Variants in GPRASP3 observed in about 807,000 individuals in gnomAD.
GPRASP3 encodes G protein-coupled receptor associated sorting protein 3.
At chrX:102,741,141 G>A in the GPRASP3 span, among the ~76,000 whole-genome samples, 1 of 111,784 alleles carries the variant, frequency 8.9e-6, no homozygotes, top group South Asian at 3.8e-4. Flanking sequence ...AGGGGCATAA[G>A]GCAGAAAAAG....
chrX:102,744,123 A>C, the GPRASP3 span, among the ~76,000 whole-genome samples: 1 of 111,860 alleles, frequency 8.9e-6, no homozygotes. Context: ...AAGTTAGCTT[A>C]TAAGCCCAGG....
the GPRASP3 span, among the ~76,000 whole-genome samples, chrX:102,722,652 C>T: frequency 9.0e-5 from 10 of 111,168 alleles, no homozygotes; most frequent in Non-Finnish European, 1.3e-4. Context: ...CCAGTCATCT[C>T]GGAACATAAA....
At chrX:102,745,580 G>A in the GPRASP3 span, among the ~76,000 whole-genome samples, 3 of 111,137 alleles carry the variant, frequency 2.7e-5, no homozygotes, top group Non-Finnish European at 1.9e-5. Flanking sequence ...TCTCCCATTA[G>A]CTTCCAGGAA....
At chrX:102,723,569 G>A in the GPRASP3 span, among the ~76,000 whole-genome samples, 1 of 111,849 alleles carries the variant, frequency 8.9e-6, no homozygotes, top group Non-Finnish European at 1.9e-5. Flanking sequence ...CAACAGAGAA[G>A]ACTTCAAGTA....
the GPRASP3 span, chrX:102,749,425 G>C: frequency 2.0e-5 from 24 of 1,210,323 alleles, no homozygotes; most frequent in Non-Finnish European, 2.7e-5. Context: ...TGAAATTGGT[G>C]CCCAGGTCTG....
At chrX:102,731,782 G>T in the GPRASP3 span, among the ~76,000 whole-genome samples, 1 of 111,459 alleles carries the variant, frequency 9.0e-6, no homozygotes, top group Non-Finnish European at 1.9e-5. Flanking sequence ...CGTTAGTGTG[G>T]GCTGCCCGCA....
At chrX:102,750,806 G>A in the GPRASP3 span, 3 of 343,422 alleles carry the variant, frequency 8.7e-6, no homozygotes, top group Non-Finnish European at 1.5e-5. Flanking sequence ...ACCTTGGGCT[G>A]AAAATGTTTG....
the GPRASP3 span, among the ~76,000 whole-genome samples, chrX:102,741,385 A>G: frequency 2.7e-4 from 30 of 111,753 alleles, no homozygotes; most frequent in African/African-American, 9.8e-4. Flanking sequence ...GAGCATGCAC[A>G]GTGTATTTAG....
chrX:102,740,687 T>A, the GPRASP3 span, among the ~76,000 whole-genome samples: 1 of 110,713 alleles, frequency 9.0e-6, no homozygotes, highest in South Asian at 3.9e-4. Context: ...GGAAACTTAA[T>A]GAAATTCAGG....
At chrX:102,735,499 G>A in the GPRASP3 span, among the ~76,000 whole-genome samples, 6 of 108,245 alleles carry the variant, frequency 5.5e-5, no homozygotes, top group Non-Finnish European at 9.6e-5. Flanking sequence ...CCGCCTCCTG[G>A]GTTCAAGCAA....
chrX:102,727,549 C>T, the GPRASP3 span, among the ~76,000 whole-genome samples: 24 of 112,077 alleles, frequency 2.1e-4, 1 homozygote, highest in Admixed American at 9.4e-5. Context: ...AGGAGAAAGT[C>T]AGTAACCTGC....
At chrX:102,721,520 G>A in the GPRASP3 span, among the ~76,000 whole-genome samples, 2 of 111,428 alleles carry the variant, frequency 1.8e-5, no homozygotes, top group African/African-American at 6.5e-5. Flanking sequence ...CTAGGAAAAG[G>A]AGGAGGAGAC....
chrX:102,727,892 C>T, the GPRASP3 span, among the ~76,000 whole-genome samples: 1 of 111,807 alleles, frequency 8.9e-6, no homozygotes, highest in Non-Finnish European at 1.9e-5. Context: ...GTTATAAAGA[C>T]GTTAAGTACC....
the GPRASP3 span, among the ~76,000 whole-genome samples, chrX:102,729,434 C>T: frequency 2.7e-5 from 3 of 112,161 alleles, no homozygotes; most frequent in African/African-American, 9.7e-5. Context: ...TTATAGAACA[C>T]TTCCTCTCCT....
the GPRASP3 span, chrX:102,751,335 G>T: frequency 8.1e-6 from 1 of 123,731 alleles, no homozygotes; most frequent in African/African-American, 3.2e-5. Flanking sequence ...GTCAAACACT[G>T]TGTTGGCACC....
At chrX:102,743,007 G>T in the GPRASP3 span, among the ~76,000 whole-genome samples, 1 of 111,346 alleles carries the variant, frequency 9.0e-6, no homozygotes, top group Non-Finnish European at 1.9e-5. Context: ...GGGCTTCCAG[G>T]TCAAAGAAAG....
chrX:102,729,847 G>C, the GPRASP3 span, among the ~76,000 whole-genome samples: 3 of 111,767 alleles, frequency 2.7e-5, no homozygotes, highest in East Asian at 8.5e-4. Flanking sequence ...TCCAGCAAAT[G>C]AAGAATGCCT....
chrX:102,743,962 C>T, the GPRASP3 span, among the ~76,000 whole-genome samples: 163 of 111,916 alleles, frequency 1.5e-3, 1 homozygote, highest in African/African-American at 5.1e-3. Context: ...TCCAGAATAA[C>T]GGCTGTCAAT....
chrX:102,729,427 T>C, the GPRASP3 span, among the ~76,000 whole-genome samples: 1 of 112,144 alleles, frequency 8.9e-6, no homozygotes, highest in African/African-American at 3.2e-5. Context: ...CATAATATTA[T>C]AGAACACTTC....
Sources: allele counts gnomAD v4.1 joint callset (sites outside exome capture counted in the v4.1 genomes callset), GRCh38; gene constraint gnomAD v4.1.1; transcripts MANE v1.5; gene names NCBI Gene and HGNC (gene_info 2026-07-23, HGNC 2026-07-21).